Variants in SLC6A19 observed in about 807,000 individuals in gnomAD.
SLC6A19 encodes the protein solute carrier family 6 member 19.
In SLC6A19, 67 loss-of-function variants were observed where a neutral mutation model predicts 68.3. That is an observed-to-expected ratio of 0.98 (90% CI 0.81 to 1.20). The LOEUF (loss-of-function observed/expected upper bound fraction) is 1.20. SLC6A19 is among the 50% of genes most tolerant of loss of function. The pLI is 0.00. For synonymous variants in SLC6A19, 392 were observed against 374.9 expected, an observed-to-expected ratio of 1.05 and a Z score of -0.53; for missense variants, 813 against 851.6, an observed-to-expected ratio of 0.95 and a Z score of 0.56.
Position 1,221,998 on chromosome 5 carries a change from T to C in SLC6A19, c.*94T>C, listed in dbSNP as rs1746395774. On this transcript the variant is annotated 3_prime_UTR_variant, in exon 12 of 12. Coordinates refer to ENST00000304460, the MANE Select transcript of SLC6A19 (RefSeq NM_001003841.3). ...GGGGGCCGGGCTGCACCTGCATGTG[T>C]GTAAGCGTGAGTGTATGCTCGTGTG... The C allele has an allele frequency of 7.3e-7, 1 of 1,368,108 alleles. No individual in the cohort carries two copies. The highest frequency in any genetic ancestry group is 1.4e-5 in the African/African-American group (1 of 69,704). 84.7% of individuals were successfully genotyped at this position (1,368,108 alleles called of 1,614,324 possible). A position where few individuals can be genotyped will look rare whatever the true frequency, so the allele number is the denominator to read the frequency against.
At chr5:1,205,836 C>T (rs1427913731) in intron 1 of SLC6A19, among the ~76,000 whole-genome samples, 1 of 152,030 alleles carries the variant, frequency 6.6e-6, no homozygotes, top group Non-Finnish European at 1.5e-5. Context: ...TCTTGGGTGT[C>T]CCTGCAGGTG....
rs571906305 is a variant in SLC6A19, at chr5:1,215,821, C to T, written c.888-737C>T. Among the ~76,000 whole-genome samples the T allele has an allele frequency of 1.8e-4, 28 of 152,300 alleles. No individual in the cohort carries two copies. The highest frequency in any genetic ancestry group is 1.7e-3 in the East Asian group (9 of 5,188). ...CGAGGAGCTGTCAGGCTGTTTTCCA[C>T]GGTGGCTGCACCACTCACGTTCCCA... On this transcript the variant is annotated intron_variant, in intron 6 of 11. Transcript: ENST00000304460. This position sits in a 1 kb window ranked among gnomAD's most constrained non-coding sequence, Gnocchi z 5.1.
chr5:1,221,071 G>A (rs1168694092), intron 10 of SLC6A19, 80 bp from the exon 11 acceptor site: 7 of 1,549,484 alleles, frequency 4.5e-6, no homozygotes, highest in Non-Finnish European at 5.3e-6. Flanking sequence ...CCATCTGTTC[G>A]GGTAGCAGAA....
rs779304140 is a variant in SLC6A19, at chr5:1,219,638, T to G, written c.1512T>G (p.Ser504=). 6.2e-7 allele frequency: 1 copy of G among 1,607,576 alleles called. No homozygotes were observed. Among genetic ancestry groups the G allele is most frequent in the East Asian group, 2.2e-5 (1 of 44,890 alleles). ...LLIIAFCEMF[S]VVYVYGVDRF... ...TCATCGCCTTCTGCGAGATGTTCTC[T>G]GTGGTCTACGTGTACGGTGTGGACA... The change falls in exon 10 of 12, where the codon TCT becomes TCG. Residue 504 remains serine, a synonymous_variant. Coordinates refer to ENST00000304460, the MANE Select transcript of SLC6A19 (RefSeq NM_001003841.3).
intron 6 of SLC6A19, among the ~76,000 whole-genome samples, chr5:1,216,042 G>T (rs1027290496): frequency 6.6e-6 from 1 of 152,198 alleles, no homozygotes; most frequent in African/African-American, 2.4e-5. Flanking sequence ...AAATGGGAAG[G>T]GTGGAGTGAG....
rs770829611 is a variant in SLC6A19 at position 1,213,591 on chromosome 5, C to T, written c.774+18C>T. The T allele has an allele frequency of 6.8e-6, 11 of 1,606,796 alleles. No homozygotes were observed. The highest frequency in any genetic ancestry group is 1.7e-4 in the Middle Eastern group (1 of 5,946). On this transcript the variant is annotated intron_variant, in intron 5 of 11. Coordinates refer to ENST00000304460, the MANE Select transcript of SLC6A19 (RefSeq NM_001003841.3). Reference sequence around the variant, plus strand: ...CGCCCAACGTAAGTCCCCGAGGCTGCCCTGGGCCCAGACCCCGGGAGAGGC... The same window carrying T: ...CGCCCAACGTAAGTCCCCGAGGCTGTCCTGGGCCCAGACCCCGGGAGAGGC...
intron 1 of SLC6A19, among the ~76,000 whole-genome samples, chr5:1,205,486 G>A (rs1299505076): frequency 1.3e-5 from 2 of 152,204 alleles, no homozygotes; most frequent in Non-Finnish European, 2.9e-5. Context: ...GAGCCCCAGG[G>A]GTTGGGGATT....
Position 1,218,926 on chromosome 5 carries a change from C to T in SLC6A19, c.1197C>T (p.Ala399=). 6.2e-7 allele frequency: 1 copy of T among 1,613,884 alleles called. No homozygotes were observed. The highest frequency in any genetic ancestry group is 8.5e-7 in the Non-Finnish European group (1 of 1,180,014). The change falls in exon 9 of 12, where the codon GCC becomes GCT. Residue 399 remains alanine, a synonymous_variant. Coordinates refer to ENST00000304460, the MANE Select transcript of SLC6A19 (RefSeq NM_001003841.3). The part of the protein sequence containing the change: ...LSEAVEGTGL[A]FIVFTEAITK... ...AGGCCGTGGAGGGCACAGGCCTGGC[C>T]TTCATCGTCTTCACCGAGGCCATCA...
In SLC6A19 at chr5:1,223,985, C is replaced by T. The variant is rs751336223; in HGVS notation, c.*2081C>T. ...TGGGGGGACATATCACAGCCTCTGC[C>T]CCCGGCTGTGATGCCACCGAGGGGC... On this transcript the variant is annotated 3_prime_UTR_variant, in exon 12 of 12. Coordinates refer to ENST00000304460, the MANE Select transcript of SLC6A19 (RefSeq NM_001003841.3). 2 of 152,314 alleles carry T rather than the reference C, an allele frequency of 1.3e-5. No individual in the cohort carries two copies. The highest frequency in any genetic ancestry group is 2.9e-5 in the Non-Finnish European group (2 of 68,082). 9.4% of individuals were successfully genotyped at this position (152,314 alleles called of 1,614,324 possible). A position where few individuals can be genotyped will look rare whatever the true frequency, so the allele number is the denominator to read the frequency against.
Position 1,215,918 on chromosome 5 carries a change from C to T in SLC6A19, c.888-640C>T, listed in dbSNP as rs1183758698. On this transcript the variant is annotated intron_variant, in intron 6 of 11. Coordinates refer to ENST00000304460, the MANE Select transcript of SLC6A19 (RefSeq NM_001003841.3). This position sits in a 1 kb window ranked among gnomAD's most constrained non-coding sequence, Gnocchi z 5.1. Reference sequence around the variant, plus strand: ...GTTATTGTCTGACTTTTGTTTCTGGCCATCCCAGCAGGGGTGTGGTGAGAT... The same window carrying T: ...GTTATTGTCTGACTTTTGTTTCTGGTCATCCCAGCAGGGGTGTGGTGAGAT... Among the ~76,000 whole-genome samples, 2 of 152,152 alleles carry T rather than the reference C, an allele frequency of 1.3e-5. No individual in the cohort carries two copies. The highest frequency in any genetic ancestry group is 4.8e-5 in the African/African-American group (2 of 41,430).
rs1409329820 is a variant in SLC6A19, at chr5:1,223,497, C to T, written c.*1593C>T. ...GCCCTGCCCCCGTCACGGGATGGGCCCCCATTGGGGTTCAACATTCCATCG... is the reference window on the plus strand; with the variant it reads ...GCCCTGCCCCCGTCACGGGATGGGCTCCCATTGGGGTTCAACATTCCATCG... On this transcript the variant is annotated 3_prime_UTR_variant, in exon 12 of 12. Transcript: ENST00000304460. 6.6e-6 allele frequency: 1 copy of T among 152,390 alleles called. No homozygotes were observed. The highest frequency in any genetic ancestry group is 1.9e-4 in the East Asian group (1 of 5,180). 9.4% of individuals were successfully genotyped at this position (152,390 alleles called of 1,614,324 possible). A position where few individuals can be genotyped will look rare whatever the true frequency, so the allele number is the denominator to read the frequency against.
rs1007705032 is a variant in SLC6A19, at chr5:1,215,239, T to C, written c.887+1174T>C. ...TGGAACTGAGGGTGAATTATTTTTATAACAGCTTTATTCAGATCATTTGAA... is the reference window on the plus strand; with the variant it reads ...TGGAACTGAGGGTGAATTATTTTTACAACAGCTTTATTCAGATCATTTGAA... On this transcript the variant is annotated intron_variant, in intron 6 of 11. Transcript: ENST00000304460. The surrounding 1 kb of genome is among the most constrained non-coding windows in gnomAD (Gnocchi z 5.1). Among the ~76,000 whole-genome samples the C allele has an allele frequency of 4.7e-4, 71 of 152,150 alleles. No homozygotes were observed. The highest frequency in any genetic ancestry group is 7.9e-4 in the Non-Finnish European group (54 of 68,014).
At chr5:1,213,197 C>T (rs1417653725) in intron 4 of SLC6A19, among the ~76,000 whole-genome samples, 1 of 107,500 alleles carries the variant, frequency 9.3e-6, no homozygotes, top group African/African-American at 3.7e-5. Context: ...CAGGCCTGGC[C>T]CCCCATCCCC....
At position 1,208,756 on chromosome 5, in the gene SLC6A19, G is replaced by C; in HGVS notation, c.213G>C (p.Met71Ile). ...LCQSHGGGAFMIPFLILLVLE... is the reference protein window; with the variant it reads ...LCQSHGGGAFIIPFLILLVLE... ...CTCCTCCCATTGCAGGAGCCTTCAT[G>C]ATCCCGTTCCTCATCCTGCTGGTCC... is the stretch of plus-strand genomic sequence containing the variant. Residue 71 changes from methionine (M) to isoleucine (I), a missense_variant, in exon 2 of 12, where the codon ATG becomes ATC. Coordinates refer to ENST00000304460, the MANE Select transcript of SLC6A19 (RefSeq NM_001003841.3). 1 of 1,613,472 alleles carries C rather than the reference G, an allele frequency of 6.2e-7. No homozygotes were observed. Among genetic ancestry groups the C allele is most frequent in the Non-Finnish European group, 8.5e-7 (1 of 1,180,012 alleles).
In SLC6A19 at chr5:1,223,261, A is replaced by T. The variant is rs1746445423; in HGVS notation, c.*1357A>T. ...AGTTAAATAAAACTCAACTTGGCATAATTCAAGGCAAATACCACTCTGTGC... is the reference window on the plus strand; with the variant it reads ...AGTTAAATAAAACTCAACTTGGCATTATTCAAGGCAAATACCACTCTGTGC... On this transcript the variant is annotated 3_prime_UTR_variant, in exon 12 of 12. Coordinates refer to ENST00000304460, the MANE Select transcript of SLC6A19 (RefSeq NM_001003841.3). 1 of 152,290 alleles carries T rather than the reference A, an allele frequency of 6.6e-6. No individual in the cohort carries two copies. Among genetic ancestry groups the T allele is most frequent in the African/African-American group, 2.4e-5 (1 of 41,478 alleles). The allele number at this position is 152,290 out of a possible 1,614,324, so 9.4% of individuals were successfully genotyped here. A position where few individuals can be genotyped will look rare whatever the true frequency, so the allele number is the denominator to read the frequency against.
rs1746062915 is a variant in SLC6A19, at chr5:1,212,317, T to C, written c.496T>C (p.Cys166Arg). 2.5e-6 allele frequency: 4 copies of C among 1,613,348 alleles called. No homozygotes were observed. The highest frequency in any genetic ancestry group is 3.4e-6 in the Non-Finnish European group (4 of 1,179,884). The change falls in exon 4 of 12, where the codon TGC becomes CGC. Residue 166 changes from cysteine (C) to arginine (R), a missense_variant. By Grantham distance (180) the Cys-to-Arg change is radical. Transcript: ENST00000304460. This position sits in a 1 kb window ranked among gnomAD's most constrained non-coding sequence, Gnocchi z 5.1. Reference protein sequence around the residue: ...NENQTGYVDECARSSPVDYFW... With the variant: ...NENQTGYVDERARSSPVDYFW... ...CCTCTCCCCAGGGTATGTGGACGAGTGCGCCAGGAGCTCCCCTGTGGACTA... is the reference window on the plus strand; with the variant it reads ...CCTCTCCCCAGGGTATGTGGACGAGCGCGCCAGGAGCTCCCCTGTGGACTA...
In SLC6A19 at chr5:1,208,895, C is replaced by G. The variant is rs937924348; in HGVS notation, c.343+9C>G. On this transcript the variant is annotated intron_variant, in intron 2 of 11. Coordinates refer to ENST00000304460, the MANE Select transcript of SLC6A19 (RefSeq NM_001003841.3). The stretch of plus-strand genomic sequence containing the variant: ...GGCCCTGAAGGGCCTAGGTGAGTGC[C>G]TCGGAGCAGTTCCACCCGGGCCCAG... 5.6e-6 allele frequency: 9 copies of G among 1,610,580 alleles called. No homozygotes were observed. The highest frequency in any genetic ancestry group is 7.6e-6 in the Non-Finnish European group (9 of 1,179,392).
rs747952308 is a variant in SLC6A19, at chr5:1,213,466, G to A, written c.667G>A (p.Val223Met). The A allele has an allele frequency of 9.3e-6, 13 of 1,396,166 alleles. No individual in the cohort carries two copies. The East Asian group carries it at 1.5e-4, about 16-fold the overall frequency. The allele number at this position is 1,396,166 out of a possible 1,614,324, so 86.5% of individuals were successfully genotyped here. A position where few individuals can be genotyped will look rare whatever the true frequency, so the allele number is the denominator to read the frequency against. The part of the protein sequence containing the change: ...IRGIETTGKA[V>M]YITSTLPYVV... ...CCACATGTCCCGCCCTCCGCAGGCC[G>A]TGTACATCACCTCCACGCTGCCCTA... The change falls in exon 5 of 12, where the codon GTG (valine) becomes ATG (methionine). Residue 223 changes from valine (V) to methionine (M), a missense_variant. Val to Met is a conservative substitution (Grantham distance 21). Transcript: ENST00000304460.
Position 1,214,203 on chromosome 5 carries a change from G to A in SLC6A19, c.887+138G>A. ...TGCCCCGATGGGCCCGTTCCCTCCT[G>A]CTCGGGGTCCATGTGAGCTGAGTCT... On this transcript the variant is annotated intron_variant, in intron 6 of 11. Coordinates refer to ENST00000304460, the MANE Select transcript of SLC6A19 (RefSeq NM_001003841.3). This position sits in a 1 kb window ranked among gnomAD's most constrained non-coding sequence, Gnocchi z 7.4. The A allele has an allele frequency of 6.7e-7, 1 of 1,489,548 alleles. No individual in the cohort carries two copies. Among genetic ancestry groups the A allele is most frequent in the Non-Finnish European group, 9.0e-7 (1 of 1,111,648 alleles). 92.3% of individuals were successfully genotyped at this position (1,489,548 alleles called of 1,614,324 possible).
Sources: gnomAD v4.1 joint callset for allele counts (sites outside exome capture counted in the v4.1 genomes callset) on GRCh38, gnomAD v4.1.1 for gene constraint, Gnocchi (gnomAD v3.1) non-coding constraint, MANE v1.5 for transcripts, NCBI Gene and HGNC (gene_info 2026-07-23, HGNC 2026-07-21) for gene names.